The following ACOT7 variants were observed in gnomAD, a reference collection of about 807,000 sequenced individuals.
The protein encoded by ACOT7 is acyl-CoA thioesterase 7.
ACOT7 carries 12 observed loss-of-function variants against 40.2 expected under a neutral mutation model. The ratio of observed to expected loss-of-function variants is 0.30; its 90% CI spans 0.19 to 0.48. ACOT7 has a LOEUF of 0.48. ACOT7 is among the 20% of genes least tolerant of loss of function. The pLI, the probability that ACOT7 is intolerant of heterozygous loss-of-function variation, is 0.99. For synonymous variants in ACOT7, 228 were observed against 219.5 expected, an observed-to-expected ratio of 1.04 and a Z score of -0.34; for missense variants, 395 against 530.8, an observed-to-expected ratio of 0.74 and a Z score of 2.51.
Position 6,330,334 on chromosome 1 carries a change from G to A in ACOT7, c.511-2921C>T, listed in dbSNP as rs1373848261. ...TGTACTTTCTGGGATTCCTAAGCAG[G>A]CCTCTGGCCGGGCCCACCAGTGAAA... On this transcript the variant is annotated intron_variant, in intron 4 of 8. Coordinates refer to ENST00000361521, the MANE Select transcript of ACOT7 (RefSeq NM_007274.4). The surrounding 1 kb of genome is among the most constrained non-coding windows in gnomAD (Gnocchi z 4.6). Among the ~76,000 whole-genome samples the A allele has an allele frequency of 1.3e-5, 2 of 152,226 alleles. No homozygotes were observed. Among genetic ancestry groups the A allele is most frequent in the South Asian group, 2.1e-4 (1 of 4,818 alleles).
chr1:6,279,324 G>A (rs919530039), intron 8 of ACOT7, among the ~76,000 whole-genome samples: 3 of 152,166 alleles, frequency 2.0e-5, no homozygotes, highest in African/African-American at 7.2e-5. Context: ...AGGGCAAGGC[G>A]GGTAGGCTTA....
At chr1:6,375,467 A>AG (rs1457710429) in intron 1 of ACOT7, among the ~76,000 whole-genome samples, 1 of 152,084 alleles carries the variant, frequency 6.6e-6, no homozygotes, top group Non-Finnish European at 1.5e-5. Flanking sequence ...CAGGAGTTAG[A>AG]GACCAGTCTG....
chr1:6,275,237 G>A lies in ACOT7; in HGVS notation c.1014+5865C>T, dbSNP rs1639154515. On this transcript the variant is annotated intron_variant, in intron 8 of 8. Transcript: ENST00000361521. This position sits in a 1 kb window ranked among gnomAD's most constrained non-coding sequence, Gnocchi z 5.6. ...GCAGCCTCTGCATCCAGCTGCCCTG[G>A]CTTCCTAACCAGAAAACAAACCTGC... 6.6e-6 allele frequency among the ~76,000 whole-genome samples: 1 copy of A among 152,236 alleles called. No homozygotes were observed. Among genetic ancestry groups the A allele is most frequent in the African/African-American group, 2.4e-5 (1 of 41,466 alleles).
At chr1:6,381,692 C>T (rs1642338269) in intron 1 of ACOT7, among the ~76,000 whole-genome samples, 2 of 151,686 alleles carry the variant, frequency 1.3e-5, no homozygotes, top group South Asian at 4.2e-4. Context: ...GGAATATATC[C>T]TAAAGAACTA....
chr1:6,333,393 A>G, intron 4 of ACOT7, 84 bp downstream of exon 4: 1 of 1,489,084 alleles, frequency 6.7e-7, no homozygotes, highest in Non-Finnish European at 9.3e-7. Context: ...TGAGACCCTT[A>G]GCTGAACGAG....
intron 5 of ACOT7, among the ~76,000 whole-genome samples, chr1:6,321,965 C>A (rs1420776000): frequency 2.6e-5 from 4 of 152,242 alleles, no homozygotes; most frequent in African/African-American, 9.6e-5. Context: ...TCCCCTGAGG[C>A]CCAAGGTGCC....
intron 4 of ACOT7, among the ~76,000 whole-genome samples, chr1:6,332,819 TCAAAAAAA>T (rs1640995608): frequency 7.4e-6 from 1 of 135,794 alleles, no homozygotes; most frequent in African/African-American, 3.0e-5. Context: ...AGATTCCGTC[TCAAAAAAA>T]CAAAAAAAAA....
chr1:6,375,181 G>A (rs1375846742), intron 1 of ACOT7, among the ~76,000 whole-genome samples: 1 of 151,092 alleles, frequency 6.6e-6, no homozygotes, highest in Non-Finnish European at 1.5e-5. Flanking sequence ...GAGAATGGCG[G>A]GAACCCAGGA....
At chr1:6,272,900 T>TGGTACAGC (rs1639077309) in intron 8 of ACOT7, among the ~76,000 whole-genome samples, 1 of 152,194 alleles carries the variant, frequency 6.6e-6, no homozygotes, top group Non-Finnish European at 1.5e-5. Flanking sequence ...GGGCCTCTCC[T>TGGTACAGC]GGTACAGCCC....
chr1:6,321,806 C>T (rs1640652246), intron 5 of ACOT7, among the ~76,000 whole-genome samples: 1 of 152,228 alleles, frequency 6.6e-6, no homozygotes, highest in Non-Finnish European at 1.5e-5. Flanking sequence ...CCAGCCAAGG[C>T]TGAGTCTTAA....
At chr1:6,316,262 G>A (rs534090456) in intron 6 of ACOT7, among the ~76,000 whole-genome samples, 4 of 152,172 alleles carry the variant, frequency 2.6e-5, no homozygotes, top group African/African-American at 4.8e-5. Context: ...CCTGGAATTC[G>A]AGGGAGGACA....
intron 6 of ACOT7, among the ~76,000 whole-genome samples, chr1:6,303,362 A>T (rs1640023137): frequency 6.6e-6 from 1 of 152,176 alleles, no homozygotes; most frequent in Non-Finnish European, 1.5e-5. Context: ...ACTAATGTAT[A>T]CACGTTAGGT....
intron 8 of ACOT7, among the ~76,000 whole-genome samples, chr1:6,268,718 A>T (rs1638928118): frequency 6.6e-6 from 1 of 152,258 alleles, no homozygotes. Context: ...CAAGAGCGAG[A>T]AAACCTCCAG....
intron 1 of ACOT7, among the ~76,000 whole-genome samples, chr1:6,370,823 T>TTC (rs58082596): frequency 6.6e-6 from 1 of 150,508 alleles, no homozygotes. Context: ...TTTTTTTTTT[T>TTC]CTTTTGAGAC....
In ACOT7 at chr1:6,393,508, A is replaced by AC. The variant is rs1344957773; in HGVS notation, c.-110dup. On this transcript the variant is annotated 5_prime_UTR_variant, in exon 1 of 9. Coordinates refer to ENST00000361521, the MANE Select transcript of ACOT7 (RefSeq NM_007274.4). Reference sequence around the variant, plus strand: ...CCGACCCCGCCCCCGCGCCGGCCCCACCCCGAGCCCCGCCTCCCAGGCCGC... The same window carrying AC: ...CCGACCCCGCCCCCGCGCCGGCCCCACCCCCGAGCCCCGCCTCCCAGGCCGC... 14 of 1,025,802 alleles carry AC rather than the reference A, an allele frequency of 1.4e-5. No homozygotes were observed. The highest frequency in any genetic ancestry group is 1.6e-5 in the Non-Finnish European group (13 of 810,076). The allele number at this position is 1,025,802 out of a possible 1,614,324, so 63.5% of individuals were successfully genotyped here. A position where few individuals can be genotyped will look rare whatever the true frequency, so the allele number is the denominator to read the frequency against.
intron 2 of ACOT7, among the ~76,000 whole-genome samples, chr1:6,344,763 C>CAAAAA (rs58594477): frequency 1.6e-3 from 88 of 55,808 alleles, no homozygotes; most frequent in Non-Finnish European, 3.0e-3. Context: ...GACTCTGTCT[C>CAAAAA]AAAAAAAAAA....
At chr1:6,351,319 C>T (rs191852934) in intron 1 of ACOT7, among the ~76,000 whole-genome samples, 393 of 152,370 alleles carry the variant, frequency 2.6e-3, no homozygotes, top group African/African-American at 8.7e-3. Context: ...GCCGGCACGG[C>T]GTGACACAGT....
At chr1:6,327,226 G>A in intron 5 of ACOT7, 73 bp downstream of exon 5, 1 of 1,464,368 alleles carries the variant, frequency 6.8e-7, no homozygotes, top group South Asian at 1.2e-5. Flanking sequence ...GCTCACGTAG[G>A]CCCGGCCTGC....
chr1:6,350,288 G>A (rs1214677556), intron 1 of ACOT7, among the ~76,000 whole-genome samples: 2 of 152,196 alleles, frequency 1.3e-5, no homozygotes, highest in South Asian at 2.1e-4. Context: ...CCCGTCAGGA[G>A]TCCCAGAGAA....
Sources: allele counts gnomAD v4.1 joint callset (sites outside exome capture counted in the v4.1 genomes callset), GRCh38; gene constraint gnomAD v4.1.1; non-coding constraint Gnocchi (gnomAD v3.1); transcripts MANE v1.5; gene names NCBI Gene and HGNC (gene_info 2026-07-23, HGNC 2026-07-21).